The following ERBB4 variants were observed in gnomAD, a reference collection of about 807,000 sequenced individuals.
The protein encoded by ERBB4 is receptor tyrosine-protein kinase erbB-4.
A neutral mutation model predicts 158.0 loss-of-function variants in ERBB4; 42 were observed. The ratio of observed to expected loss-of-function variants is 0.27; its 90% CI spans 0.21 to 0.34. The LOEUF (loss-of-function observed/expected upper bound fraction) is 0.34, where lower values mean the gene tolerates loss of function less well. ERBB4 is among the 10% of genes least tolerant of loss of function. ERBB4 has a pLI of 1.00. For synonymous variants in ERBB4, 583 were observed against 558.7 expected (o/e 1.04, Z -0.61); for missense variants, 1,333 against 1,624.1 (o/e 0.82, Z 3.08).
chr2:212,303,675 A>G (rs950606382), intron 1 of ERBB4, among the ~76,000 whole-genome samples: 3 of 151,568 alleles, frequency 2.0e-5, no homozygotes, highest in African/African-American at 7.2e-5. Context: ...GTTAGTTTTG[A>G]TGAGTCCAAA....
At chr2:211,676,899 TA>T (rs2072097911) in intron 13 of ERBB4, among the ~76,000 whole-genome samples, 1 of 152,212 alleles carries the variant, frequency 6.6e-6, no homozygotes, top group South Asian at 2.1e-4. Context: ...ATGTTCATAA[TA>T]TTGGGAACAA....
chr2:212,105,316 G>C (rs2079192493), intron 2 of ERBB4, among the ~76,000 whole-genome samples: 1 of 152,144 alleles, frequency 6.6e-6, no homozygotes, highest in Non-Finnish European at 1.5e-5. Context: ...CATTATTTTA[G>C]ATATGTAGAA....
chr2:212,431,329 A>C (rs1003499879), intron 1 of ERBB4, among the ~76,000 whole-genome samples: 1 of 150,686 alleles, frequency 6.6e-6, no homozygotes, highest in East Asian at 1.9e-4. Flanking sequence ...AAAAAAAAAA[A>C]ACCTTCGTAA....
chr2:211,466,500 G>A (rs1257947615), intron 20 of ERBB4, among the ~76,000 whole-genome samples: 1 of 152,030 alleles, frequency 6.6e-6, no homozygotes, highest in African/African-American at 2.4e-5. Flanking sequence ...TGCCAAGCTA[G>A]ATTCTTTGGT....
intron 5 of ERBB4, among the ~76,000 whole-genome samples, chr2:211,733,689 A>C (rs1015193859): frequency 1.3e-5 from 2 of 151,292 alleles, no homozygotes; most frequent in Admixed American, 1.3e-4. Context: ...AAAAAAAAAA[A>C]ATTTACTTTC....
chr2:211,764,777 C>T (rs1344171711), intron 4 of ERBB4, among the ~76,000 whole-genome samples: 1 of 152,108 alleles, frequency 6.6e-6, no homozygotes, highest in Non-Finnish European at 1.5e-5. Context: ...TATTAGAACA[C>T]ACATAGGAAG....
At position 211,859,530 on chromosome 2, in the gene ERBB4, T is replaced by C. The variant is rs7564311; in HGVS notation, c.422-71371A>G. Among the ~76,000 whole-genome samples the C allele has an allele frequency of 2.3e-3, 351 of 152,326 alleles. 2 individuals are homozygous for C. The Middle Eastern group carries it at 0.031, about 13-fold the overall frequency. ...TCTTTAAAAGATGTGTTATGTTTAA[T>C]AAAGTTTAATATTAAAATTCCTAAA... On this transcript the variant is annotated intron_variant, in intron 3 of 27. Transcript: ENST00000342788.
At chr2:212,306,057 G>A (rs1178385698) in intron 1 of ERBB4, among the ~76,000 whole-genome samples, 1 of 151,266 alleles carries the variant, frequency 6.6e-6, no homozygotes, top group Admixed American at 6.6e-5. Context: ...TATTATATTC[G>A]AACATGCACA....
intron 9 of ERBB4, among the ~76,000 whole-genome samples, chr2:211,705,841 C>T (rs1040474508): frequency 1.3e-5 from 2 of 152,114 alleles, no homozygotes; most frequent in Admixed American, 6.5e-5. Flanking sequence ...AGGACAGAAA[C>T]AAACACAAAT....
chr2:211,718,351 G>T (rs756627746), intron 7 of ERBB4, among the ~76,000 whole-genome samples: 6 of 152,184 alleles, frequency 3.9e-5, no homozygotes, highest in African/African-American at 1.4e-4. Context: ...TACACACATT[G>T]AGTATCCCTT....
intron 2 of ERBB4, among the ~76,000 whole-genome samples, chr2:212,035,422 A>G (rs561186004): frequency 2.4e-4 from 36 of 152,178 alleles, no homozygotes; most frequent in Non-Finnish European, 4.1e-4. Flanking sequence ...CCCACTTCTA[A>G]CTAGTTCCAT....
Position 212,016,489 on chromosome 2 carries a change from A to C in ERBB4, c.235-68873T>G, listed in dbSNP as rs577233968. Among the ~76,000 whole-genome samples, 4 of 143,844 alleles carry C rather than the reference A, an allele frequency of 2.8e-5. No homozygotes were observed. In the South Asian group the frequency reaches 8.5e-4, roughly 31 times the overall value. 94.4% of individuals were successfully genotyped at this position (143,844 alleles called of 152,430 possible). On this transcript the variant is annotated intron_variant, in intron 2 of 27. Transcript: ENST00000342788. ...CAGCTTTTATTTTAAATTTATAAAA[A>C]ATCTACTGGCATATCATGCAAATTT...
At chr2:212,075,530 G>T (rs370080696) in intron 2 of ERBB4, among the ~76,000 whole-genome samples, 24 of 151,878 alleles carry the variant, frequency 1.6e-4, no homozygotes, top group African/African-American at 5.5e-4. Flanking sequence ...TCTCATTGTA[G>T]GTGGTTTATC....
chr2:212,149,311 C>T (rs1205559070), intron 1 of ERBB4, among the ~76,000 whole-genome samples: 1 of 152,090 alleles, frequency 6.6e-6, no homozygotes, highest in Non-Finnish European at 1.5e-5. Context: ...TAAAAGTTCA[C>T]ATACAGTGAC....
At chr2:211,829,938 T>C (rs1209958215) in intron 3 of ERBB4, among the ~76,000 whole-genome samples, 1 of 152,174 alleles carries the variant, frequency 6.6e-6, no homozygotes, top group Non-Finnish European at 1.5e-5. Flanking sequence ...GTAACAAGTA[T>C]GACTGCTACT....
At position 211,380,067 on chromosome 2, in the gene ERBB4, C is replaced by A. The variant is rs1574496317; in HGVS notation, c.*3548G>T. On this transcript the variant is annotated 3_prime_UTR_variant, in exon 28 of 28. Transcript: ENST00000342788. ...TATTCCTTCTCTTAAATTAGATATTCAGTCCTTCTCCCTAATCTACAAAAA... is the reference window on the plus strand; with the variant it reads ...TATTCCTTCTCTTAAATTAGATATTAAGTCCTTCTCCCTAATCTACAAAAA... 1 of 231,896 alleles carries A rather than the reference C, an allele frequency of 4.3e-6. No homozygotes were observed. The highest frequency in any genetic ancestry group is 5.7e-5 in the Admixed American group (1 of 17,694). The allele number at this position is 231,896 out of a possible 1,614,324, so 14.4% of individuals were successfully genotyped here.
intron 19 of ERBB4, among the ~76,000 whole-genome samples, chr2:211,599,047 G>GTA (rs1341346835): frequency 6.6e-6 from 1 of 152,112 alleles, no homozygotes; most frequent in Non-Finnish European, 1.5e-5. Context: ...ATTAAACAAG[G>GTA]TAAGATACAA....
intron 1 of ERBB4, among the ~76,000 whole-genome samples, chr2:212,195,254 T>A (rs1445992350): frequency 6.6e-6 from 1 of 151,990 alleles, no homozygotes; most frequent in South Asian, 2.1e-4. Context: ...GCCAGTATTT[T>A]AAAAAATTCT....
chr2:211,920,017 T>A (rs1362713516), intron 3 of ERBB4, among the ~76,000 whole-genome samples: 1 of 152,018 alleles, frequency 6.6e-6, no homozygotes, highest in East Asian at 1.9e-4. Context: ...TGTGTATATT[T>A]GCAACAAATT....
Sources: allele counts gnomAD v4.1 joint callset (sites outside exome capture counted in the v4.1 genomes callset), GRCh38; gene constraint gnomAD v4.1.1; transcripts MANE v1.5; gene names NCBI Gene and HGNC (gene_info 2026-07-23, HGNC 2026-07-21).